Variants in GMDS observed in about 807,000 individuals in gnomAD.
GMDS encodes the protein GDP-mannose 4,6-dehydratase, also known as GDP-mannose 4,6 dehydratase.
GMDS carries 20 observed loss-of-function variants against 49.9 expected under a neutral mutation model. The ratio of observed to expected loss-of-function variants is 0.40; its 90% CI spans 0.28 to 0.58. The LOEUF (loss-of-function observed/expected upper bound fraction) is 0.58, where lower values mean the gene tolerates loss of function less well. GMDS is among the 20% of genes least tolerant of loss of function. The pLI, the probability that GMDS is intolerant of heterozygous loss-of-function variation, is 0.42. For missense variants in GMDS, 362 were observed against 481.4 expected (o/e 0.75, Z 2.32); for synonymous variants, 177 against 178.6 (o/e 0.99, Z 0.07).
At chr6:2,188,741 G>C (rs964716537) in intron 1 of GMDS, among the ~76,000 whole-genome samples, 32 of 152,182 alleles carry the variant, frequency 2.1e-4, no homozygotes, top group African/African-American at 1.7e-4. Context: ...AGGCAGGCGA[G>C]GGCACATGTT....
chr6:2,089,566 G>A (rs1032512802), intron 4 of GMDS, among the ~76,000 whole-genome samples: 1 of 152,170 alleles, frequency 6.6e-6, no homozygotes, highest in Non-Finnish European at 1.5e-5. Context: ...AAAAGGAGAT[G>A]TAAGAGGAGA....
chr6:1,865,827 C>T (rs1758414740), intron 7 of GMDS, among the ~76,000 whole-genome samples: 1 of 152,074 alleles, frequency 6.6e-6, no homozygotes, highest in African/African-American at 2.4e-5. Context: ...TATATCTCCT[C>T]ACACCACAGG....
chr6:1,800,424 C>T (rs1278713008), intron 7 of GMDS, among the ~76,000 whole-genome samples: 1 of 151,986 alleles, frequency 6.6e-6, no homozygotes, highest in African/African-American at 2.4e-5. Context: ...ATGACTCCTA[C>T]TCACAACCAT....
intron 7 of GMDS, among the ~76,000 whole-genome samples, chr6:1,774,363 C>T (rs1768706993): frequency 6.6e-6 from 1 of 152,196 alleles, no homozygotes; most frequent in Non-Finnish European, 1.5e-5. Flanking sequence ...GTGGAGGACA[C>T]TCAGAGCAAT....
chr6:2,223,149 C>CTCTA (rs1554099854), intron 1 of GMDS, among the ~76,000 whole-genome samples: 43 of 149,234 alleles, frequency 2.9e-4, no homozygotes, highest in Middle Eastern at 6.9e-3. Flanking sequence ...CTCTCTCTCT[C>CTCTA]TATATATATA....
chr6:1,960,961 G>A lies in GMDS; in HGVS notation c.351C>T (p.Ser117=), dbSNP rs1442486318. 6.6e-7 allele frequency: 1 copy of A among 1,518,740 alleles called. No homozygotes were observed. The highest frequency in any genetic ancestry group is 1.7e-5 in the Admixed American group (1 of 57,912). 94.1% of individuals were successfully genotyped at this position (1,518,740 alleles called of 1,614,324 possible). The part of the protein sequence containing the change: ...NLGAQSHVKI[S]FDLAEYTADV... ...CCGCAGTGTACTCAGCGAGGTCAAA[G>A]GAAATCTGGAAAAAGCAGGCGGAGA... Residue 117 remains serine (S), a synonymous_variant, in exon 5 of 11, where the codon TCC becomes TCT. Transcript: ENST00000380815.
intron 9 of GMDS, among the ~76,000 whole-genome samples, chr6:1,712,313 A>C (rs958641082): frequency 6.6e-6 from 1 of 152,242 alleles, no homozygotes; most frequent in Admixed American, 6.5e-5. Context: ...ACTTTTGTGA[A>C]GTTTATCATA....
intron 7 of GMDS, among the ~76,000 whole-genome samples, chr6:1,743,634 A>T (rs1361654701): frequency 1.3e-5 from 2 of 152,140 alleles, no homozygotes; most frequent in African/African-American, 4.8e-5. Context: ...TGCATGTCCA[A>T]GATACTGACT....
rs997706248 is a variant in GMDS at position 1,743,499 on chromosome 6, C to T, written c.772-913G>A. 1.6e-4 allele frequency among the ~76,000 whole-genome samples: 23 copies of T among 141,110 alleles called. 1 individual carries two copies. The East Asian group carries it at 4.2e-3, about 26-fold the overall frequency. 92.6% of individuals were successfully genotyped at this position (141,110 alleles called of 152,430 possible). A position where few individuals can be genotyped will look rare whatever the true frequency, so the allele number is the denominator to read the frequency against. ...CGGAGCTTGCAGGGAGCCGAGATCG[C>T]GCCACTGCACTCCAGCCTGGACGAC... On this transcript the variant is annotated intron_variant, in intron 7 of 10. Transcript: ENST00000380815.
intron 4 of GMDS, among the ~76,000 whole-genome samples, chr6:2,048,071 A>G (rs1770135161): frequency 6.6e-6 from 1 of 152,204 alleles, no homozygotes; most frequent in African/African-American, 2.4e-5. Context: ...GTCAACAGCC[A>G]TTATTCATGT....
intron 8 of GMDS, among the ~76,000 whole-genome samples, chr6:1,737,921 A>C (rs1395471049): frequency 6.7e-6 from 1 of 149,106 alleles, no homozygotes; most frequent in East Asian, 2.0e-4. Flanking sequence ...CACCACACAC[A>C]GATACATACA....
chr6:1,971,000 A>C, intron 4 of GMDS, among the ~76,000 whole-genome samples: 1 of 122,922 alleles, frequency 8.1e-6, no homozygotes, highest in East Asian at 2.5e-4. Flanking sequence ...GGTGGGGGAT[A>C]GGGACTGGGG....
intron 6 of GMDS, among the ~76,000 whole-genome samples, chr6:1,938,970 C>A (rs1412385859): frequency 2.1e-5 from 3 of 141,850 alleles, no homozygotes; most frequent in Non-Finnish European, 4.6e-5. Context: ...CTCCCCTCCC[C>A]TCCCCTCCCC....
At chr6:1,864,271 A>G (rs1758338024) in intron 7 of GMDS, among the ~76,000 whole-genome samples, 1 of 152,208 alleles carries the variant, frequency 6.6e-6, no homozygotes, top group Admixed American at 6.5e-5. Context: ...TCAATATTAC[A>G]TATTTTTACA....
In GMDS at chr6:1,723,345, T is replaced by TA. The variant is rs1168535466; in HGVS notation, c.987+3070dup. Reference sequence around the variant, plus strand: ...CTTTATGGCATTTTTTTTTTTTTTTTAGACGGAGTCTCGCTCTGTGGCCCA... The same window carrying TA: ...CTTTATGGCATTTTTTTTTTTTTTTTAAGACGGAGTCTCGCTCTGTGGCCCA... On this transcript the variant is annotated intron_variant, in intron 9 of 10. Transcript: ENST00000380815. Among the ~76,000 whole-genome samples the TA allele has an allele frequency of 5.4e-3, 601 of 111,946 alleles. 3 individuals are homozygous for TA. Among genetic ancestry groups the TA allele is most frequent in the African/African-American group, 0.02 (566 of 28,882 alleles). The allele number at this position is 111,946 out of a possible 152,430, so 73.4% of individuals were successfully genotyped here. A position where few individuals can be genotyped will look rare whatever the true frequency, so the allele number is the denominator to read the frequency against.
At chr6:2,187,433 T>TAG (rs1266846449) in intron 1 of GMDS, among the ~76,000 whole-genome samples, 1 of 152,166 alleles carries the variant, frequency 6.6e-6, no homozygotes, top group Non-Finnish European at 1.5e-5. Flanking sequence ...AACTACTCCT[T>TAG]AGAGAAGTAG....
chr6:1,771,853 G>T (rs1768585534), intron 7 of GMDS, among the ~76,000 whole-genome samples: 1 of 152,090 alleles, frequency 6.6e-6, no homozygotes, highest in African/African-American at 2.4e-5. Context: ...TATGAATACT[G>T]TAAAAATCCA....
At chr6:1,633,162 C>T (rs1333965585) in intron 9 of GMDS, among the ~76,000 whole-genome samples, 2 of 152,160 alleles carry the variant, frequency 1.3e-5, no homozygotes, top group Non-Finnish European at 2.9e-5. Flanking sequence ...TCATTTCTTG[C>T]AGTAACATCA....
At chr6:2,025,556 A>C (rs1561985554) in intron 4 of GMDS, among the ~76,000 whole-genome samples, 1 of 152,156 alleles carries the variant, frequency 6.6e-6, no homozygotes, top group Non-Finnish European at 1.5e-5. Context: ...TTGAAAAAAA[A>C]ATCAAATCAA....
Sources: gnomAD v4.1 joint callset for allele counts (sites outside exome capture counted in the v4.1 genomes callset) on GRCh38, gnomAD v4.1.1 for gene constraint, MANE v1.5 for transcripts, NCBI Gene and HGNC (gene_info 2026-07-23, HGNC 2026-07-21) for gene names.